R3HDM1: variants seen among roughly 807,000 people sequenced by gnomAD.
The protein encoded by R3HDM1 is R3H domain-containing protein 1.
R3HDM1 carries 46 observed loss-of-function variants against 141.1 expected under a neutral mutation model. The ratio of observed to expected loss-of-function variants is 0.33; its 90% CI spans 0.26 to 0.42. The LOEUF is 0.42. Ranked by LOEUF, R3HDM1 falls within the 10% of genes least tolerant of loss-of-function variation. R3HDM1 has a pLI of 1.00. For synonymous variants in R3HDM1, 435 were observed against 472.9 expected, an observed-to-expected ratio of 0.92 and a Z score of 1.04; for missense variants, 1,184 against 1,368.3, an observed-to-expected ratio of 0.87 and a Z score of 2.12.
At chr2:135,545,688 G>GT (rs1698540386) in intron 1 of R3HDM1, among the ~76,000 whole-genome samples, 1 of 152,154 alleles carries the variant, frequency 6.6e-6, no homozygotes, top group Non-Finnish European at 1.5e-5. Flanking sequence ...TCAGCTAGGT[G>GT]TATTCATTAG....
At chr2:135,551,599 A>G (rs1299814923) in intron 1 of R3HDM1, among the ~76,000 whole-genome samples, 1 of 152,254 alleles carries the variant, frequency 6.6e-6, no homozygotes, top group Non-Finnish European at 1.5e-5. Context: ...ATCACGTTGA[A>G]TTGCATAGGA....
intron 1 of R3HDM1, among the ~76,000 whole-genome samples, chr2:135,548,605 A>G (rs1157037938): frequency 6.8e-6 from 1 of 146,672 alleles, no homozygotes; most frequent in East Asian, 2.2e-4. Context: ...CCCAAGAGGC[A>G]ACAACCAAAA....
At chr2:135,674,025 A>G (rs1018476818) in intron 19 of R3HDM1, among the ~76,000 whole-genome samples, 2 of 152,266 alleles carry the variant, frequency 1.3e-5, no homozygotes, top group East Asian at 3.9e-4. Context: ...CAATCCATCC[A>G]TCTCCCAAAG....
chr2:135,557,447 T>C (rs1175148318), intron 1 of R3HDM1, among the ~76,000 whole-genome samples: 1 of 152,198 alleles, frequency 6.6e-6, no homozygotes, highest in African/African-American at 2.4e-5. Context: ...TCAGAGAATT[T>C]ACTAAACTCA....
At chr2:135,587,597 G>T (rs1362544635) in intron 1 of R3HDM1, among the ~76,000 whole-genome samples, 1 of 152,036 alleles carries the variant, frequency 6.6e-6, no homozygotes, top group Non-Finnish European at 1.5e-5. Context: ...TCACCCTAAT[G>T]CCAAGAGAAT....
At chr2:135,555,568 T>C (rs1336159204) in intron 1 of R3HDM1, among the ~76,000 whole-genome samples, 1 of 152,190 alleles carries the variant, frequency 6.6e-6, no homozygotes, top group East Asian at 1.9e-4. Context: ...CTCCTAGGTA[T>C]ATAACCAAGG....
chr2:135,702,086 A>G (rs1221348792), intron 21 of R3HDM1, among the ~76,000 whole-genome samples: 2 of 152,154 alleles, frequency 1.3e-5, no homozygotes, highest in African/African-American at 2.4e-5. Flanking sequence ...TCAAGTGTCT[A>G]TCAACAGGTG....
intron 18 of R3HDM1, 73 bp from the exon 19 acceptor site, chr2:135,661,197 C>T: frequency 6.4e-7 from 1 of 1,554,228 alleles, no homozygotes; most frequent in Non-Finnish European, 8.8e-7. Context: ...TCATTAAACT[C>T]TGATCTTCCT....
Position 135,709,444 on chromosome 2 carries a change from G to A in R3HDM1, c.2471G>A (p.Gly824Asp). The change falls in exon 22 of 27, where the codon GGT (glycine) becomes GAT (aspartate). Residue 824 changes from glycine to aspartate, a missense_variant. This residue lies in a region of R3HDM1 where 563 missense variants were observed against 562.0 expected (regional missense o/e 1.00). Coordinates refer to ENST00000683871, the MANE Select transcript of R3HDM1 (RefSeq NM_001378107.1). ...TGTTTTTTCCATAGCTCTTCAGTAGGTTACCTGCAACATCCAGGATCAGAA... is the reference window on the plus strand; with the variant it reads ...TGTTTTTTCCATAGCTCTTCAGTAGATTACCTGCAACATCCAGGATCAGAA... The part of the protein sequence containing the change: ...GQQNNLSSSV[G>D]YLQHPGSEQV... 6.2e-7 allele frequency: 1 copy of A among 1,614,046 alleles called. No individual in the cohort carries two copies. Among genetic ancestry groups the A allele is most frequent in the South Asian group, 1.1e-5 (1 of 91,080 alleles).
chr2:135,662,327 T>C (rs183951096), intron 19 of R3HDM1, among the ~76,000 whole-genome samples: 1 of 152,350 alleles, frequency 6.6e-6, no homozygotes, highest in East Asian at 1.9e-4. Context: ...ACCACCAGTT[T>C]AGGAGAAGCA....
rs897298665 is a variant in R3HDM1 at position 135,631,864 on chromosome 2, T to C, written c.561T>C (p.Ser187=). ...EILDFIGNNE[S]PRKKFPPMTS... ...TTGGTTTTTCTTGTGCTTCTAGGTC[T>C]CCACGTAAAAAATTCCCCCCAATGA... Residue 187 remains serine, a synonymous_variant, in exon 9 of 27, where the codon TCT becomes TCC. Transcript: ENST00000683871. The C allele has an allele frequency of 2.5e-6, 4 of 1,606,178 alleles. No homozygotes were observed. Among genetic ancestry groups the C allele is most frequent in the Non-Finnish European group, 3.4e-6 (4 of 1,176,824 alleles).
chr2:135,538,791 T>C (rs1696806460), intron 1 of R3HDM1, among the ~76,000 whole-genome samples: 1 of 152,268 alleles, frequency 6.6e-6, no homozygotes, highest in East Asian at 1.9e-4. Context: ...TTTTTGTATT[T>C]TTGGTAGAGA....
chr2:135,718,486 G>C (rs962791116), intron 24 of R3HDM1, among the ~76,000 whole-genome samples: 19 of 151,506 alleles, frequency 1.3e-4, no homozygotes, highest in Admixed American at 6.6e-5. Flanking sequence ...TGGTTTGTTT[G>C]TTGTTGTTTG....
intron 18 of R3HDM1, among the ~76,000 whole-genome samples, chr2:135,658,462 C>T (rs1014677598): frequency 1.1e-4 from 16 of 152,032 alleles, no homozygotes; most frequent in African/African-American, 3.6e-4. Flanking sequence ...CAACTGTGCC[C>T]GGCCAAAAGA....
intron 23 of R3HDM1, among the ~76,000 whole-genome samples, chr2:135,712,377 C>T (rs2105444820): frequency 6.6e-6 from 1 of 151,874 alleles, no homozygotes; most frequent in Non-Finnish European, 1.5e-5. Flanking sequence ...CATCCTCCCA[C>T]CTCAGCCACT....
chr2:135,587,037 A>C, intron 1 of R3HDM1: 1 of 956,640 alleles, frequency 1.0e-6, no homozygotes, highest in Middle Eastern at 5.4e-4. Flanking sequence ...TAATTTTTAA[A>C]GTGCTTGTAA....
intron 3 of R3HDM1, among the ~76,000 whole-genome samples, chr2:135,606,977 G>T (rs539499660): frequency 7.0e-6 from 1 of 142,330 alleles, no homozygotes; most frequent in Non-Finnish European, 1.5e-5. Context: ...TTTTTGGGTG[G>T]GGGGGCGGGG....
Position 135,563,032 on chromosome 2 carries a change from A to G in R3HDM1, c.-250+31399A>G, listed in dbSNP as rs150968029. On this transcript the variant is annotated intron_variant, in intron 1 of 26. Coordinates refer to ENST00000683871, the MANE Select transcript of R3HDM1 (RefSeq NM_001378107.1). ...TCCAGTTTGGATAAGTTATTTGGTC[A>G]TCCTCACTGTTGTTTACCATTTTTG... 3.0e-3 allele frequency among the ~76,000 whole-genome samples: 450 copies of G among 152,312 alleles called. 2 individuals are homozygous for G. Among genetic ancestry groups the G allele is most frequent in the African/African-American group, 0.01 (419 of 41,570 alleles).
intron 23 of R3HDM1, among the ~76,000 whole-genome samples, chr2:135,711,580 A>G (rs566323080): frequency 6.7e-6 from 1 of 150,304 alleles, no homozygotes; most frequent in East Asian, 2.0e-4. Context: ...AGATTGCTTT[A>G]TCCCAGGAGT....
Sources: allele counts gnomAD v4.1 joint callset (sites outside exome capture counted in the v4.1 genomes callset), GRCh38; gene constraint gnomAD v4.1.1; regional missense constraint gnomAD v4.1.1; transcripts MANE v1.5; gene names NCBI Gene and HGNC (gene_info 2026-07-23, HGNC 2026-07-21).